The following MYO6 variants were observed in gnomAD, a reference collection of about 807,000 sequenced individuals.
MYO6 encodes myosin VI.
A neutral mutation model predicts 178.7 loss-of-function variants in MYO6; 74 were observed. That is an observed-to-expected ratio of 0.41 (90% confidence interval 0.34 to 0.50). The LOEUF is 0.50. MYO6 is among the 20% of genes least tolerant of loss of function. The pLI is 0.09. For missense variants in MYO6, 1,330 were observed against 1,547.4 expected (o/e 0.86, Z 2.36); for synonymous variants, 477 against 504.6 (o/e 0.95, Z 0.73).
chr6:75,885,452 C>CT (rs1297597470), intron 23 of MYO6, among the ~76,000 whole-genome samples: 423 of 144,260 alleles, frequency 2.9e-3, no homozygotes, highest in African/African-American at 4.7e-3. Context: ...ATGAGAATCT[C>CT]TTTTTTTTTT....
chr6:75,873,385 C>A, intron 20 of MYO6, 85 bp downstream of exon 20: 1 of 1,054,452 alleles, frequency 9.5e-7, no homozygotes, highest in Non-Finnish European at 1.5e-6. Flanking sequence ...AATAATTCAC[C>A]ATTATCTTGA....
rs1778979405 is a variant in MYO6 at position 75,892,537 on chromosome 6, T to G, written c.2954T>G (p.Val985Gly). The G allele has an allele frequency of 6.2e-7, 1 of 1,614,006 alleles. No homozygotes were observed. Among genetic ancestry groups the G allele is most frequent in the Non-Finnish European group, 8.5e-7 (1 of 1,180,030 alleles). ...EDDEKRIQAE[V>G]EAQLARQKEE... ...GCTTTCTGCCCTTGTCAGGCTGAAG[T>G]GGAGGCACAGCTGGCCCGACAGAAG... Residue 985 changes from valine to glycine, a missense_variant, in exon 28 of 35, where the codon GTG (valine) becomes GGG (glycine). This residue lies in a region of MYO6 where 601 missense variants were observed against 626.1 expected (regional missense o/e 0.96). Transcript: ENST00000369977.
chr6:75,826,723 G>C (rs1287213297), intron 3 of MYO6, among the ~76,000 whole-genome samples: 1 of 152,042 alleles, frequency 6.6e-6, no homozygotes, highest in Non-Finnish European at 1.5e-5. Context: ...TAATTCAAAG[G>C]AAAGCTGCCA....
intron 6 of MYO6, among the ~76,000 whole-genome samples, chr6:75,833,385 G>A (rs1773324685): frequency 6.6e-6 from 1 of 152,146 alleles, no homozygotes; most frequent in Non-Finnish European, 1.5e-5. Flanking sequence ...GTATATTCAC[G>A]TTGTTGTGCA....
chr6:75,883,291 A>G (rs1583354963), intron 23 of MYO6, among the ~76,000 whole-genome samples: 4 of 151,720 alleles, frequency 2.6e-5, no homozygotes, highest in East Asian at 3.9e-4. Context: ...AAAAAAGTGT[A>G]TCACAGGGAC....
At chr6:75,914,715 T>C (rs1316852423) in intron 34 of MYO6, 98 bp from the exon 35 acceptor site, 1 of 1,184,598 alleles carries the variant, frequency 8.4e-7, no homozygotes, top group Non-Finnish European at 1.2e-6. Context: ...TAGGAAGTTT[T>C]CAAATCTATG....
chr6:75,891,403 C>T (rs975046891), intron 27 of MYO6, 97 bp downstream of exon 27: 38 of 820,196 alleles, frequency 4.6e-5, no homozygotes, highest in South Asian at 1.6e-4. Context: ...GAGGCCGAGG[C>T]GGGCGGATCA....
At chr6:75,895,613 G>A (rs1779237310) in intron 29 of MYO6, among the ~76,000 whole-genome samples, 1 of 151,608 alleles carries the variant, frequency 6.6e-6, no homozygotes, top group Non-Finnish European at 1.5e-5. Context: ...TGCCTCTCGG[G>A]TTCAAGCGAC....
chr6:75,878,143 A>G (rs1261680334), intron 20 of MYO6, among the ~76,000 whole-genome samples: 1 of 152,218 alleles, frequency 6.6e-6, no homozygotes, highest in Non-Finnish European at 1.5e-5. Context: ...ATTAAATAGT[A>G]CAGAATAATA....
chr6:75,898,355 T>TTATC lies in MYO6; in HGVS notation c.3138-17_3138-14dup, dbSNP rs1473857116. The stretch of plus-strand genomic sequence containing the variant: ...ATGACTTTTATGTAACCATATTGTA[T>TTATC]TATCGTTTTTCTTGTAGGGAACAAA... On this transcript the variant is annotated splice_polypyrimidine_tract_variant and intron_variant, in intron 29 of 34. Coordinates refer to ENST00000369977, the MANE Select transcript of MYO6 (RefSeq NM_004999.4). 8 of 1,573,294 alleles carry TTATC rather than the reference T, an allele frequency of 5.1e-6. No homozygotes were observed. The highest frequency in any genetic ancestry group is 7.0e-6 in the Non-Finnish European group (8 of 1,143,164).
intron 27 of MYO6, among the ~76,000 whole-genome samples, chr6:75,892,032 A>G (rs575039045): frequency 1.3e-5 from 2 of 152,338 alleles, no homozygotes; most frequent in Non-Finnish European, 2.9e-5. Flanking sequence ...GTTTTAAAAT[A>G]TCATATAACT....
intron 3 of MYO6, among the ~76,000 whole-genome samples, chr6:75,828,002 T>C (rs1772651307): frequency 6.6e-6 from 1 of 152,178 alleles, no homozygotes; most frequent in Admixed American, 6.5e-5. Flanking sequence ...AAACAAGATT[T>C]ATCTGTTCAA....
chr6:75,772,785 T>C (rs977970947), intron 1 of MYO6, among the ~76,000 whole-genome samples: 6 of 152,176 alleles, frequency 3.9e-5, no homozygotes, highest in African/African-American at 1.4e-4. Context: ...TTCTGTAGGA[T>C]GGAGATAATA....
intron 1 of MYO6, among the ~76,000 whole-genome samples, chr6:75,760,045 T>G (rs537162685): frequency 6.6e-6 from 1 of 152,348 alleles, no homozygotes; most frequent in East Asian, 1.9e-4. Context: ...CTGGAATTTA[T>G]ACTTGTATTC....
At chr6:75,872,572 A>G (rs1429986005) in intron 19 of MYO6, among the ~76,000 whole-genome samples, 1 of 152,200 alleles carries the variant, frequency 6.6e-6, no homozygotes, top group Non-Finnish European at 1.5e-5. Context: ...ACATTTAAAT[A>G]TAGAAAAAAA....
At chr6:75,781,245 AAAGGGGT>A (rs1203708199) in intron 1 of MYO6, among the ~76,000 whole-genome samples, 18 of 152,226 alleles carry the variant, frequency 1.2e-4, no homozygotes, top group Non-Finnish European at 2.1e-4. Context: ...AGGTTCATAG[AAAGGGGT>A]ACCTAATCCT....
chr6:75,874,758 T>A (rs973555337), intron 20 of MYO6, among the ~76,000 whole-genome samples: 1 of 152,246 alleles, frequency 6.6e-6, no homozygotes, highest in Middle Eastern at 3.2e-3. Context: ...CTCTTCCTCC[T>A]TATTTTTCTC....
intron 1 of MYO6, among the ~76,000 whole-genome samples, chr6:75,760,940 TCTTC>T (rs946966697): frequency 2.0e-5 from 3 of 152,170 alleles, no homozygotes; most frequent in African/African-American, 7.2e-5. Context: ...ACTTTTCTCT[TCTTC>T]CTTGTTATTT....
intron 33 of MYO6, among the ~76,000 whole-genome samples, chr6:75,912,863 C>G (rs558558083): frequency 3.9e-4 from 60 of 152,054 alleles, no homozygotes; most frequent in Admixed American, 2.9e-3. Flanking sequence ...AAAACCGGGC[C>G]TCTCGTTCCT....
Sources: allele counts gnomAD v4.1 joint callset (sites outside exome capture counted in the v4.1 genomes callset), GRCh38; gene constraint gnomAD v4.1.1; regional missense constraint gnomAD v4.1.1; transcripts MANE v1.5; gene names NCBI Gene and HGNC (gene_info 2026-07-23, HGNC 2026-07-21).